The following PRKG1 variants were observed in gnomAD, a reference collection of about 807,000 sequenced individuals.
PRKG1 encodes the protein cGMP-dependent protein kinase 1.
A neutral mutation model predicts 88.1 loss-of-function variants in PRKG1; 35 were observed. The observed-to-expected ratio is 0.40, with a 90% CI of 0.30 to 0.53. PRKG1 has a LOEUF of 0.53. Ranked by LOEUF, PRKG1 falls within the 20% of genes least tolerant of loss-of-function variation. The pLI is 0.59. For missense variants in PRKG1, 540 were observed against 839.8 expected (o/e 0.64, Z 4.41); for synonymous variants, 303 against 292.5 (o/e 1.04, Z -0.37).
At chr10:51,704,456 G>A (rs1841556099) in intron 3 of PRKG1, among the ~76,000 whole-genome samples, 1 of 152,152 alleles carries the variant, frequency 6.6e-6, no homozygotes, top group South Asian at 2.1e-4. Flanking sequence ...TCAAAGACAA[G>A]ACATGCTGCC....
intron 9 of PRKG1, among the ~76,000 whole-genome samples, chr10:52,214,103 C>T (rs1840052493): frequency 6.6e-6 from 1 of 152,122 alleles, no homozygotes; most frequent in African/African-American, 2.4e-5. Flanking sequence ...AGCCATTCTC[C>T]TGGGTTATTA....
At chr10:51,222,901 C>G (rs7906687) in intron 2 of PRKG1, among the ~76,000 whole-genome samples, 2,971 of 152,022 alleles carry the variant, frequency 0.02, 80 homozygotes, top group African/African-American at 0.066. Flanking sequence ...TGTATACATT[C>G]TACTTGTATA....
chr10:51,443,599 G>A (rs293251), intron 2 of PRKG1, among the ~76,000 whole-genome samples: 92,066 of 151,622 alleles, frequency 0.61, 28,639 homozygotes, highest in Middle Eastern at 0.68. Flanking sequence ...CAAAATAGAA[G>A]CTTTCCCTTC....
chr10:51,565,494 C>T (rs7342047), intron 3 of PRKG1, among the ~76,000 whole-genome samples: 10,491 of 152,074 alleles, frequency 0.069, 1,183 homozygotes, highest in African/African-American at 0.24. Context: ...TGCCCAAGTG[C>T]CATCCTGTTC....
chr10:52,017,792 A>G (rs554307121), intron 5 of PRKG1, among the ~76,000 whole-genome samples: 1 of 152,250 alleles, frequency 6.6e-6, no homozygotes, highest in South Asian at 2.1e-4. Flanking sequence ...AGACAATGGA[A>G]AGTGGCACAA....
At chr10:51,464,474 AAAT>A (rs1479545985) in intron 2 of PRKG1, among the ~76,000 whole-genome samples, 1 of 152,176 alleles carries the variant, frequency 6.6e-6, no homozygotes, top group African/African-American at 2.4e-5. Flanking sequence ...AATTAATGTG[AAAT>A]ACAACCTTTT....
At chr10:52,090,537 A>C (rs1014899145) in intron 7 of PRKG1, among the ~76,000 whole-genome samples, 1 of 152,180 alleles carries the variant, frequency 6.6e-6, no homozygotes, top group Admixed American at 6.5e-5. Flanking sequence ...TTGGATCATC[A>C]CAGTTAATAA....
At chr10:51,166,955 A>G (rs545444932) in intron 2 of PRKG1, among the ~76,000 whole-genome samples, 3 of 152,294 alleles carry the variant, frequency 2.0e-5, no homozygotes, top group East Asian at 1.9e-4. Flanking sequence ...CTCCTTTATT[A>G]TAATTCATTT....
At chr10:52,244,619 A>G (rs943513770) in intron 9 of PRKG1, among the ~76,000 whole-genome samples, 3 of 149,660 alleles carry the variant, frequency 2.0e-5, no homozygotes, top group African/African-American at 7.3e-5. Context: ...TCAGTTTTCA[A>G]TGCTACTTTC....
intron 3 of PRKG1, among the ~76,000 whole-genome samples, chr10:51,597,483 T>C (rs1240856954): frequency 6.6e-6 from 1 of 152,220 alleles, no homozygotes; most frequent in Non-Finnish European, 1.5e-5. Flanking sequence ...ATGGAATATT[T>C]AGAGTACTAT....
At chr10:52,062,161 T>C (rs1182185468) in intron 6 of PRKG1, among the ~76,000 whole-genome samples, 1 of 152,128 alleles carries the variant, frequency 6.6e-6, no homozygotes, top group Non-Finnish European at 1.5e-5. Context: ...CTACCTATGT[T>C]ATTAATATAT....
chr10:51,645,237 T>C (rs1486677672), intron 3 of PRKG1, among the ~76,000 whole-genome samples: 5 of 152,348 alleles, frequency 3.3e-5, no homozygotes, highest in African/African-American at 1.2e-4. Flanking sequence ...TGTACATTTT[T>C]TACTTGTAAG....
At chr10:51,511,036 G>A (rs1183451393) in intron 3 of PRKG1, among the ~76,000 whole-genome samples, 2 of 151,986 alleles carry the variant, frequency 1.3e-5, no homozygotes, top group African/African-American at 2.4e-5. Flanking sequence ...ACAGGCGTGA[G>A]CCGCTGCGCC....
chr10:51,610,310 C>G (rs1382633380), intron 3 of PRKG1, among the ~76,000 whole-genome samples: 1 of 152,128 alleles, frequency 6.6e-6, no homozygotes, highest in African/African-American at 2.4e-5. Flanking sequence ...TTTCCAGTCT[C>G]TGGTATCCAT....
chr10:51,746,386 T>C (rs937235418), intron 3 of PRKG1, among the ~76,000 whole-genome samples: 13 of 151,952 alleles, frequency 8.6e-5, no homozygotes, highest in Non-Finnish European at 4.4e-5. Context: ...TATCTTAGAG[T>C]TCCTCCTTGG....
chr10:51,937,364 G>T (rs1333774675), intron 5 of PRKG1, among the ~76,000 whole-genome samples: 2 of 152,020 alleles, frequency 1.3e-5, no homozygotes, highest in African/African-American at 4.8e-5. Context: ...CTCCTGCAAT[G>T]TTGGCCTGTT....
intron 3 of PRKG1, among the ~76,000 whole-genome samples, chr10:51,724,172 T>G (rs10823472): frequency 6.6e-6 from 1 of 152,096 alleles, no homozygotes; most frequent in Admixed American, 6.5e-5. Context: ...TATTCAGTTG[T>G]GTACACTATC....
intron 4 of PRKG1, among the ~76,000 whole-genome samples, chr10:51,893,828 G>A (rs1056841658): frequency 4.6e-5 from 7 of 152,148 alleles, no homozygotes; most frequent in South Asian, 2.1e-4. Flanking sequence ...TACACAGCTA[G>A]GAAGGGAAGG....
intron 9 of PRKG1, among the ~76,000 whole-genome samples, chr10:52,228,268 T>C (rs1435142948): frequency 6.7e-6 from 1 of 150,092 alleles, no homozygotes; most frequent in East Asian, 2.0e-4. Flanking sequence ...ATTTGGATTT[T>C]CAACAGGAAG....
Sources: allele counts gnomAD v4.1 joint callset (sites outside exome capture counted in the v4.1 genomes callset), GRCh38; gene constraint gnomAD v4.1.1; transcripts MANE v1.5; gene names NCBI Gene and HGNC (gene_info 2026-07-23, HGNC 2026-07-21).